SPRED2: variants seen among roughly 807,000 people sequenced by gnomAD.
The protein encoded by SPRED2 is sprouty related EVH1 domain containing 2, also known as sprouty-related, EVH1 domain-containing protein 2.
In SPRED2, 47 loss-of-function variants were observed where a neutral mutation model predicts 43.0. That is an observed-to-expected ratio of 1.09 (90% confidence interval 0.87 to 1.40). The LOEUF (loss-of-function observed/expected upper bound fraction) is 1.40, where lower values mean the gene tolerates loss of function less well. SPRED2 is among the 40% of genes most tolerant of loss of function. The pLI is 0.00. For missense variants in SPRED2, 561 were observed against 586.4 expected, an observed-to-expected ratio of 0.96 and a Z score of 0.45; for synonymous variants, 225 against 225.7, an observed-to-expected ratio of 1.00 and a Z score of 0.03.
At chr2:65,417,312 G>A (rs17535158) in intron 1 of SPRED2, among the ~76,000 whole-genome samples, 18,412 of 152,170 alleles carry the variant, frequency 0.12, 1,690 homozygotes, top group Non-Finnish European at 0.17. Context: ...ATGTATTTCA[G>A]CTGATCATCT....
intron 1 of SPRED2, among the ~76,000 whole-genome samples, chr2:65,431,201 G>T (rs1210570247): frequency 2.0e-5 from 3 of 151,238 alleles, no homozygotes; most frequent in Non-Finnish European, 4.4e-5. Context: ...ACGCGCACCC[G>T]CGAGGACACT....
At chr2:65,329,904 AC>A (rs1247816943) in intron 4 of SPRED2, among the ~76,000 whole-genome samples, 1 of 152,012 alleles carries the variant, frequency 6.6e-6, no homozygotes, top group African/African-American at 2.4e-5. Flanking sequence ...ATTTCCTGAA[AC>A]CCCCTCTGCA....
chr2:65,335,246 A>C (rs191240446), intron 2 of SPRED2, among the ~76,000 whole-genome samples: 1 of 150,814 alleles, frequency 6.6e-6, no homozygotes, highest in African/African-American at 2.4e-5. Flanking sequence ...CTGGCTCATC[A>C]TCTCTGTGGT....
chr2:65,307,516 A>T (rs563560839), downstream of SPRED2, among the ~76,000 whole-genome samples: 2 of 149,990 alleles, frequency 1.3e-5, no homozygotes, highest in African/African-American at 4.9e-5. Flanking sequence ...TTTAATAACT[A>T]CATATGTTAC....
chr2:65,314,812 G>A (rs1020669712), intron 5 of SPRED2, among the ~76,000 whole-genome samples: 8 of 152,182 alleles, frequency 5.3e-5, no homozygotes, highest in African/African-American at 1.7e-4. Context: ...CTCCCTGTGG[G>A]TGTCTCCTTC....
At chr2:65,351,814 C>A (rs186646073) in intron 1 of SPRED2, among the ~76,000 whole-genome samples, 2 of 152,258 alleles carry the variant, frequency 1.3e-5, no homozygotes, top group Admixed American at 1.3e-4. Context: ...GTCATACTTT[C>A]TATTTGTTAA....
intron 4 of SPRED2, among the ~76,000 whole-genome samples, chr2:65,331,554 C>T (rs547425247): frequency 6.6e-6 from 1 of 152,256 alleles, no homozygotes; most frequent in African/African-American, 2.4e-5. Context: ...TGCTGGCTTT[C>T]CCCCCTGATG....
At chr2:65,366,305 A>AAACAACAACAACAACAACAAC (rs6146790) in intron 1 of SPRED2, among the ~76,000 whole-genome samples, 1 of 151,436 alleles carries the variant, frequency 6.6e-6, no homozygotes, top group South Asian at 2.1e-4. Flanking sequence ...TAATAATAAA[A>AAACAACAACAACAACAACAAC]AACAACAACA....
intron 1 of SPRED2, among the ~76,000 whole-genome samples, chr2:65,389,058 A>G (rs534759148): frequency 1.5e-4 from 23 of 152,262 alleles, no homozygotes; most frequent in African/African-American, 4.1e-4. Flanking sequence ...GCCTGTCCCT[A>G]TGCTCTGGCC....
intron 1 of SPRED2, among the ~76,000 whole-genome samples, chr2:65,361,685 A>G (rs979846715): frequency 1.6e-4 from 24 of 152,240 alleles, no homozygotes; most frequent in African/African-American, 5.3e-4. Flanking sequence ...ATGTTTTTTA[A>G]TATTACTCAA....
Position 65,334,635 on chromosome 2 carries a change from C to G in SPRED2, c.343G>C (p.Val115Leu). 6.2e-7 allele frequency: 1 copy of G among 1,614,262 alleles called. No individual in the cohort carries two copies. The highest frequency in any genetic ancestry group is 8.5e-7 in the Non-Finnish European group (1 of 1,180,048). Residue 115 changes from valine to leucine, a missense_variant, in exon 3 of 6, where the codon GTA (valine) becomes CTA (leucine). Val to Leu is a conservative substitution (Grantham distance 32, BLOSUM62 1). This residue lies in a region of SPRED2 where 305 missense variants were observed against 282.4 expected (regional missense o/e 1.08). Transcript: ENST00000356388. ...PADARAFDRG[V>L]RKAIEDLIEG... ...ATAAGGTCTTCGATTGCTTTCCTTA[C>G]TCCCCTGTCAAAGGCTCGGGCATCA...
chr2:65,413,279 C>T (rs1056620478), intron 1 of SPRED2, among the ~76,000 whole-genome samples: 1 of 152,138 alleles, frequency 6.6e-6, no homozygotes, highest in Admixed American at 6.5e-5. Context: ...TTTTCCATGC[C>T]AACAGCCTGG....
intron 1 of SPRED2, among the ~76,000 whole-genome samples, chr2:65,375,391 G>A (rs1009867629): frequency 3.9e-5 from 6 of 152,202 alleles, no homozygotes; most frequent in African/African-American, 1.4e-4. Flanking sequence ...AGATCTGTAG[G>A]GGAGATGACA....
intron 5 of SPRED2, 116 bp downstream of exon 5, chr2:65,316,618 G>T: frequency 8.0e-7 from 1 of 1,249,266 alleles, no homozygotes; most frequent in Non-Finnish European, 1.1e-6. Flanking sequence ...GGGGGTAAAG[G>T]CAGGAGCAGG....
chr2:65,388,942 C>T (rs1433622147), intron 1 of SPRED2, among the ~76,000 whole-genome samples: 2 of 152,188 alleles, frequency 1.3e-5, no homozygotes, highest in African/African-American at 4.8e-5. Flanking sequence ...AGCCAATATC[C>T]ACAGAGAAAG....
At chr2:65,363,874 T>G (rs1205481982) in intron 1 of SPRED2, among the ~76,000 whole-genome samples, 1 of 152,220 alleles carries the variant, frequency 6.6e-6, no homozygotes, top group Non-Finnish European at 1.5e-5. Flanking sequence ...TTTTAGTAAG[T>G]GCTAAAAATC....
At chr2:65,418,527 T>C (rs982309784) in intron 1 of SPRED2, among the ~76,000 whole-genome samples, 1 of 151,782 alleles carries the variant, frequency 6.6e-6, no homozygotes, top group Non-Finnish European at 1.5e-5. Flanking sequence ...GTGATAAATA[T>C]TTCTTTCTTT....
intron 1 of SPRED2, among the ~76,000 whole-genome samples, chr2:65,362,201 T>C (rs1311026705): frequency 5.9e-5 from 9 of 152,120 alleles, no homozygotes; most frequent in Admixed American, 5.9e-4. Context: ...AGCCAAAAGC[T>C]CTAAGAGGGC....
chr2:65,325,388 T>C (rs1673580167), intron 4 of SPRED2, among the ~76,000 whole-genome samples: 1 of 152,356 alleles, frequency 6.6e-6, no homozygotes, highest in South Asian at 2.1e-4. Flanking sequence ...TCAGGAATCA[T>C]GTAGCACTGC....
Sources: gnomAD v4.1 joint callset for allele counts (sites outside exome capture counted in the v4.1 genomes callset) on GRCh38, gnomAD v4.1.1 for gene constraint, gnomAD v4.1.1 regional missense constraint, MANE v1.5 for transcripts, NCBI Gene and HGNC (gene_info 2026-07-23, HGNC 2026-07-21) for gene names.